Variants in ITPR2 observed in about 807,000 individuals in gnomAD.
ITPR2 encodes the protein inositol 1,4,5-trisphosphate-gated calcium channel ITPR2.
Under a neutral mutation model 317.1 loss-of-function variants are expected in ITPR2, and 207 were observed. That is an observed-to-expected ratio of 0.65 (90% confidence interval 0.58 to 0.73). ITPR2 has a LOEUF of 0.73. Ranked by LOEUF, ITPR2 falls within the 30% of genes least tolerant of loss-of-function variation. The pLI, the probability that ITPR2 is intolerant of heterozygous loss-of-function variation, is 0.00. For missense variants in ITPR2, 2,613 were observed against 3,284.0 expected (o/e 0.80, Z 4.99); for synonymous variants, 1,156 against 1,149.1 (o/e 1.01, Z -0.12).
intron 34 of ITPR2, among the ~76,000 whole-genome samples, chr12:26,572,573 T>A (rs1945188597): frequency 6.6e-6 from 1 of 152,240 alleles, no homozygotes; most frequent in African/African-American, 2.4e-5. Context: ...CTAGGGTATT[T>A]AGCTGTTGGC....
intron 34 of ITPR2, among the ~76,000 whole-genome samples, chr12:26,575,593 T>C (rs1330053999): frequency 2.6e-5 from 4 of 152,172 alleles, no homozygotes; most frequent in Admixed American, 1.3e-4. Context: ...CCCTTCGATA[T>C]AATTATTTTT....
intron 34 of ITPR2, among the ~76,000 whole-genome samples, chr12:26,565,865 AGGG>A (rs1565607483): frequency 3.8e-5 from 2 of 52,106 alleles, no homozygotes; most frequent in African/African-American, 6.8e-5. Context: ...AGGAGAGGGG[AGGG>A]GAGGAGAGGA....
chr12:26,482,985 CTGAG>C (rs1942580415), intron 42 of ITPR2, among the ~76,000 whole-genome samples: 3 of 152,134 alleles, frequency 2.0e-5, no homozygotes, highest in African/African-American at 7.2e-5. Flanking sequence ...TCCATGATGC[CTGAG>C]AGGAGGTGAA....
intron 45 of ITPR2, among the ~76,000 whole-genome samples, chr12:26,448,366 C>CCATGGGGGGGAAATCT: frequency 6.7e-6 from 1 of 149,386 alleles, no homozygotes; most frequent in Non-Finnish European, 1.5e-5. Context: ...GGGGGAAATG[C>CCATGGGGGGGAAATCT]CATGGGGGGG....
intron 48 of ITPR2, among the ~76,000 whole-genome samples, chr12:26,434,132 A>AT: frequency 1.3e-5 from 2 of 151,934 alleles, no homozygotes. Context: ...AAAATCCGTT[A>AT]TTTCAAGTCC....
rs1945822818 is a variant in ITPR2, at chr12:26,595,558, G to A, written c.4287C>T (p.His1429=). ...TTTCCACTTCAGTGTCAACATAACAGTGATTAACAAAGTTCACATAAGCAA... is the reference window on the plus strand; with the variant it reads ...TTTCCACTTCAGTGTCAACATAACAATGATTAACAAAGTTCACATAAGCAA... The part of the protein sequence containing the change: ...VKIAYVNFVN[H]CYVDTEVEMK... Residue 1429 remains histidine, a synonymous_variant, in exon 32 of 57, where the codon CAC becomes CAT. Coordinates refer to ENST00000381340, the MANE Select transcript of ITPR2 (RefSeq NM_002223.4). 1 of 1,593,762 alleles carries A rather than the reference G, an allele frequency of 6.3e-7. No homozygotes were observed. Among genetic ancestry groups the A allele is most frequent in the Admixed American group, 1.8e-5 (1 of 54,576 alleles).
intron 26 of ITPR2, among the ~76,000 whole-genome samples, chr12:26,606,304 T>G (rs1271454677): frequency 6.6e-6 from 1 of 152,224 alleles, no homozygotes; most frequent in Admixed American, 6.5e-5. Context: ...GTCCTTGCAT[T>G]TTATTGTAAC....
intron 7 of ITPR2, 149 bp downstream of exon 7, chr12:26,715,603 A>G (rs1948726847): frequency 2.5e-6 from 2 of 792,050 alleles, no homozygotes; most frequent in Non-Finnish European, 4.0e-6. Context: ...TGTGGGGGGG[A>G]AATTCAGTAA....
Position 26,779,591 on chromosome 12 carries a change from T to C in ITPR2, c.163+10566A>G, listed in dbSNP as rs1462358237. Among the ~76,000 whole-genome samples, 8 of 152,130 alleles carry C rather than the reference T, an allele frequency of 5.3e-5. No individual in the cohort carries two copies. In the South Asian group the frequency reaches 1.5e-3, roughly 28 times the overall value. ...TCATGAGGAGTTCCCTATGATCAGC[T>C]GACAAAGGAAGAGAAGACTAGGGCC... is the stretch of plus-strand genomic sequence containing the variant. On this transcript the variant is annotated intron_variant, in intron 2 of 56. Coordinates refer to ENST00000381340, the MANE Select transcript of ITPR2 (RefSeq NM_002223.4).
intron 26 of ITPR2, among the ~76,000 whole-genome samples, chr12:26,607,953 T>TA (rs1188558375): frequency 1.3e-5 from 2 of 151,716 alleles, no homozygotes; most frequent in African/African-American, 2.4e-5. Context: ...GCGTTTCTAC[T>TA]AAAAAAATAC....
At chr12:26,552,818 GT>G (rs1203852795) in intron 36 of ITPR2, among the ~76,000 whole-genome samples, 1 of 151,966 alleles carries the variant, frequency 6.6e-6, no homozygotes, top group African/African-American at 2.4e-5. Flanking sequence ...TTTTGATTTT[GT>G]TTTTCGCTCT....
At chr12:26,609,100 T>G (rs962801879) in intron 26 of ITPR2, among the ~76,000 whole-genome samples, 1 of 152,176 alleles carries the variant, frequency 6.6e-6, no homozygotes, top group Non-Finnish European at 1.5e-5. Context: ...GGGGGGTGTA[T>G]GTATAAAATG....
At chr12:26,611,265 T>C (rs1946259885) in intron 26 of ITPR2, among the ~76,000 whole-genome samples, 1 of 152,216 alleles carries the variant, frequency 6.6e-6, no homozygotes, top group African/African-American at 2.4e-5. Context: ...GCCACCTCGT[T>C]GTCCAGACAA....
At chr12:26,815,110 G>A (rs1328890867) in intron 1 of ITPR2, among the ~76,000 whole-genome samples, 3 of 152,160 alleles carry the variant, frequency 2.0e-5, no homozygotes, top group South Asian at 2.1e-4. Flanking sequence ...AGGCCGAGAC[G>A]GGTGAATCAG....
intron 9 of ITPR2, 33 bp from the exon 10 acceptor site, chr12:26,695,683 T>C (rs1238911686): frequency 1.3e-6 from 2 of 1,486,678 alleles, no homozygotes; most frequent in Admixed American, 3.4e-5. Flanking sequence ...AGTTTTTCAT[T>C]GCTATGAAAA....
chr12:26,508,868 T>C (rs1943257004), intron 37 of ITPR2, among the ~76,000 whole-genome samples: 2 of 152,174 alleles, frequency 1.3e-5, no homozygotes, highest in African/African-American at 4.8e-5. Flanking sequence ...AGAGTTACCA[T>C]ACATTCCGGC....
At chr12:26,774,010 T>TTTTTTTTTC (rs150425593) in intron 2 of ITPR2, among the ~76,000 whole-genome samples, 1 of 112,046 alleles carries the variant, frequency 8.9e-6, no homozygotes, top group Non-Finnish European at 1.9e-5. Flanking sequence ...TTTTTTTTTT[T>TTTTTTTTTC]AGTATAAAGC....
chr12:26,694,965 C>T (rs971668586), intron 10 of ITPR2, among the ~76,000 whole-genome samples: 2 of 152,106 alleles, frequency 1.3e-5, no homozygotes, highest in African/African-American at 4.8e-5. Flanking sequence ...GGTTTCACCT[C>T]CCCCATGTCA....
At chr12:26,718,193 C>T (rs1261324134) in intron 5 of ITPR2, among the ~76,000 whole-genome samples, 3 of 152,054 alleles carry the variant, frequency 2.0e-5, no homozygotes, top group Non-Finnish European at 4.4e-5. Flanking sequence ...CCTCTAAGTT[C>T]CCTCCCCTCA....
Sources: allele counts gnomAD v4.1 joint callset (sites outside exome capture counted in the v4.1 genomes callset), GRCh38; gene constraint gnomAD v4.1.1; transcripts MANE v1.5; gene names NCBI Gene and HGNC (gene_info 2026-07-23, HGNC 2026-07-21).